CDK14: variants seen among roughly 807,000 people sequenced by gnomAD.
CDK14 encodes the protein cyclin dependent kinase 14.
Under a neutral mutation model 60.7 loss-of-function variants are expected in CDK14, and 34 were observed. The ratio of observed to expected loss-of-function variants is 0.56; its 90% CI spans 0.43 to 0.75. CDK14 has a LOEUF of 0.75. Ranked by LOEUF, CDK14 falls within the 30% of genes least tolerant of loss-of-function variation. The pLI, the probability that CDK14 is intolerant of heterozygous loss-of-function variation, is 0.00. For missense variants in CDK14, 482 were observed against 564.1 expected, an observed-to-expected ratio of 0.85 and a Z score of 1.47; for synonymous variants, 197 against 203.7, an observed-to-expected ratio of 0.97 and a Z score of 0.28.
intron 6 of CDK14, among the ~76,000 whole-genome samples, chr7:90,872,623 C>G (rs909318484): frequency 2.0e-5 from 3 of 152,138 alleles, no homozygotes; most frequent in African/African-American, 7.2e-5. Context: ...TCATTTTTAA[C>G]TGTCCACTAT....
At chr7:90,732,399 C>T (rs911799339) in intron 3 of CDK14, among the ~76,000 whole-genome samples, 4 of 152,066 alleles carry the variant, frequency 2.6e-5, no homozygotes, top group South Asian at 2.1e-4. Context: ...TGTTTGGAAT[C>T]GTTTCAGAAG....
chr7:90,709,810 T>C (rs2116639872), intron 2 of CDK14: 1 of 1,425,592 alleles, frequency 7.0e-7, no homozygotes, highest in South Asian at 1.6e-5. Context: ...CCTCTCTTGG[T>C]TGTAGTACGG....
At chr7:90,759,622 A>T (rs1000744326) in intron 4 of CDK14, among the ~76,000 whole-genome samples, 1 of 152,266 alleles carries the variant, frequency 6.6e-6, no homozygotes, top group African/African-American at 2.4e-5. Context: ...GGTAGATCAC[A>T]CCTGAGTCCC....
intron 6 of CDK14, among the ~76,000 whole-genome samples, chr7:90,871,751 G>T (rs1409442918): frequency 6.6e-6 from 1 of 152,158 alleles, no homozygotes; most frequent in Non-Finnish European, 1.5e-5. Context: ...CCATGACGTA[G>T]ATGTAAGGTC....
chr7:90,898,433 C>T lies in CDK14; in HGVS notation c.640-858C>T, dbSNP rs983756711. On this transcript the variant is annotated intron_variant, in intron 6 of 14. Coordinates refer to ENST00000380050, the MANE Select transcript of CDK14 (RefSeq NM_001287135.2). ...CAAGGTTCTTGAATGTATTATAAAA[C>T]TTGTACTTCCTCAGTAATTCAGGCC... is the stretch of plus-strand genomic sequence containing the variant. 2.6e-5 allele frequency among the ~76,000 whole-genome samples: 4 copies of T among 152,094 alleles called. No homozygotes were observed. In the East Asian group the frequency reaches 7.7e-4, roughly 29 times the overall value.
chr7:90,772,962 T>G (rs1584876857), intron 4 of CDK14, among the ~76,000 whole-genome samples: 1 of 152,332 alleles, frequency 6.6e-6, no homozygotes, highest in Non-Finnish European at 1.5e-5. Context: ...GTAAGATTAC[T>G]ATTGGTGAAA....
chr7:90,981,045 A>G (rs763887288), intron 9 of CDK14, among the ~76,000 whole-genome samples: 11 of 152,306 alleles, frequency 7.2e-5, no homozygotes, highest in Non-Finnish European at 7.4e-5. Context: ...TATGGTGGGA[A>G]AAAGGAAGGC....
At position 90,710,525 on chromosome 7, in the gene CDK14, A is replaced by G. The variant is rs960336457; in HGVS notation, c.124-16042A>G. On this transcript the variant is annotated intron_variant, in intron 2 of 14. Transcript: ENST00000380050. ...TATTTCCTTCCTTTTTGGATCACAG[A>G]AATACACCTGCTTTAAGTGTGTACT... is the stretch of plus-strand genomic sequence containing the variant. 2.7e-5 allele frequency: 27 copies of G among 985,246 alleles called. 1 individual carries two copies. The Admixed American group carries it at 1.2e-3, about 43-fold the overall frequency. The allele number at this position is 985,246 out of a possible 1,614,324, so 61.0% of individuals were successfully genotyped here. A position where few individuals can be genotyped will look rare whatever the true frequency, so the allele number is the denominator to read the frequency against.
At chr7:90,863,367 G>T in intron 6 of CDK14, 98 bp downstream of exon 6, 1 of 611,602 alleles carries the variant, frequency 1.6e-6, no homozygotes, top group Non-Finnish European at 2.8e-6. Context: ...CTGTACTGAA[G>T]TTAATATTTT....
intron 11 of CDK14, among the ~76,000 whole-genome samples, chr7:91,058,740 C>T (rs1225687926): frequency 2.6e-5 from 4 of 152,192 alleles, no homozygotes; most frequent in Non-Finnish European, 5.9e-5. Flanking sequence ...AGCCTTGCAT[C>T]CCAGGGATGA....
At chr7:90,928,612 A>G (rs571369032) in intron 8 of CDK14, among the ~76,000 whole-genome samples, 34 of 152,256 alleles carry the variant, frequency 2.2e-4, no homozygotes, top group Admixed American at 1.6e-3. Context: ...ACCTGGCTGT[A>G]TGAGGTGTCA....
At chr7:90,772,498 A>G (rs915345017) in intron 4 of CDK14, among the ~76,000 whole-genome samples, 3 of 152,170 alleles carry the variant, frequency 2.0e-5, no homozygotes, top group Admixed American at 6.6e-5. Context: ...TGGATCATGT[A>G]GGCAGATTTC....
At chr7:90,879,374 A>G (rs189844300) in intron 6 of CDK14, among the ~76,000 whole-genome samples, 1 of 152,312 alleles carries the variant, frequency 6.6e-6, no homozygotes, top group Non-Finnish European at 1.5e-5. Flanking sequence ...TTGAAAATTT[A>G]CATACTCTTT....
intron 2 of CDK14, among the ~76,000 whole-genome samples, chr7:90,637,286 C>T (rs1800176796): frequency 6.6e-6 from 1 of 151,552 alleles, no homozygotes; most frequent in South Asian, 2.1e-4. Context: ...CTATAAATTT[C>T]CCTCTACACA....
At chr7:90,793,710 G>C (rs533244992) in intron 5 of CDK14, among the ~76,000 whole-genome samples, 1 of 1,062 alleles carries the variant, frequency 9.4e-4, no homozygotes, top group Admixed American at 2.4e-3. Flanking sequence ...TGGCATTTAC[G>C]TGAGAAACTC....
chr7:90,960,521 G>T (rs1422319127), intron 9 of CDK14, among the ~76,000 whole-genome samples: 1 of 151,998 alleles, frequency 6.6e-6, no homozygotes, highest in South Asian at 2.1e-4. Context: ...ATTTAACATT[G>T]TAGCAGCTGG....
intron 5 of CDK14, among the ~76,000 whole-genome samples, chr7:90,857,557 T>G (rs1258899207): frequency 6.6e-6 from 1 of 152,212 alleles, no homozygotes; most frequent in Admixed American, 6.5e-5. Context: ...TGCCATATGT[T>G]TACCTAAAAT....
At chr7:91,180,646 A>G (rs1207029179) in intron 14 of CDK14, among the ~76,000 whole-genome samples, 10 of 152,302 alleles carry the variant, frequency 6.6e-5, no homozygotes, top group Non-Finnish European at 1.5e-5. Flanking sequence ...AAAACAGCCT[A>G]TGTGTGTCAG....
chr7:90,859,753 A>G (rs1790943959), intron 5 of CDK14, among the ~76,000 whole-genome samples: 1 of 152,194 alleles, frequency 6.6e-6, no homozygotes, highest in Non-Finnish European at 1.5e-5. Flanking sequence ...TTCATCATTT[A>G]CATGAAAGTT....
Sources: gnomAD v4.1 joint callset for allele counts (sites outside exome capture counted in the v4.1 genomes callset) on GRCh38, gnomAD v4.1.1 for gene constraint, MANE v1.5 for transcripts, NCBI Gene and HGNC (gene_info 2026-07-23, HGNC 2026-07-21) for gene names.